TMEM260: variants seen among roughly 807,000 people sequenced by gnomAD.
TMEM260 encodes transmembrane protein 260, also known as protein O-mannosyl-transferase TMEM260.
A neutral mutation model predicts 88.9 loss-of-function variants in TMEM260; 82 were observed. The ratio of observed to expected loss-of-function variants is 0.92; its 90% CI spans 0.77 to 1.11. TMEM260 has a LOEUF of 1.11. TMEM260 is among the 50% of genes least tolerant of loss of function. The pLI, the probability that TMEM260 is intolerant of heterozygous loss-of-function variation, is 0.00. For missense variants in TMEM260, 902 were observed against 853.4 expected, an observed-to-expected ratio of 1.06 and a Z score of -0.71; for synonymous variants, 314 against 309.3, an observed-to-expected ratio of 1.02 and a Z score of -0.16.
chr14:56,657,909 T>G, the TMEM260 span, among the ~76,000 whole-genome samples: 8 of 152,226 alleles, frequency 5.3e-5, no homozygotes, highest in Non-Finnish European at 1.2e-4. Context: ...GGCTACCCTT[T>G]ATCCTTCTGC....
At chr14:56,639,214 A>G (rs1295779297) in intron 15 of TMEM260, among the ~76,000 whole-genome samples, 1 of 152,174 alleles carries the variant, frequency 6.6e-6, no homozygotes, top group East Asian at 1.9e-4. Context: ...AATGAACACA[A>G]TCTAGTATTT....
chr14:56,589,523 C>A (rs2139510146), intron 3 of TMEM260, among the ~76,000 whole-genome samples: 1 of 152,216 alleles, frequency 6.6e-6, no homozygotes, highest in South Asian at 2.1e-4. Flanking sequence ...AGGAAACTCA[C>A]ATAAAAATAC....
chr14:56,634,738 A>T (rs1165469962), intron 13 of TMEM260, among the ~76,000 whole-genome samples, 161 bp from the exon 14 acceptor site: 1 of 151,900 alleles, frequency 6.6e-6, no homozygotes, highest in African/African-American at 2.4e-5. Flanking sequence ...GCTACTTGGG[A>T]GGCGGGGGCA....
At chr14:56,643,359 G>T (rs1430912146) in intron 15 of TMEM260, among the ~76,000 whole-genome samples, 1 of 152,072 alleles carries the variant, frequency 6.6e-6, no homozygotes, top group Non-Finnish European at 1.5e-5. Context: ...TTCAACATAC[G>T]CAAATCAATC....
intron 14 of TMEM260, 30 bp downstream of exon 14, chr14:56,634,982 T>C: frequency 1.2e-6 from 2 of 1,602,710 alleles, no homozygotes; most frequent in African/African-American, 1.3e-5. Context: ...GTGTGTGCAG[T>C]CTATTTTTAA....
chr14:56,596,013 A>C lies in TMEM260; in HGVS notation c.345-7802A>C, dbSNP rs61258004. On this transcript the variant is annotated intron_variant, in intron 3 of 15. Transcript: ENST00000261556. ...GAAAAAAAATCAATGTAACAAGTTT[A>C]AAATGAATTCTTTAATTTTTCCCTT... Among the ~76,000 whole-genome samples, 1,307 of 152,294 alleles carry C rather than the reference A, an allele frequency of 8.6e-3. 27 individuals are homozygous for C. The highest frequency in any genetic ancestry group is 0.03 in the African/African-American group (1,262 of 41,564).
chr14:56,615,224 C>T (rs1330895340), intron 7 of TMEM260, among the ~76,000 whole-genome samples: 19 of 151,996 alleles, frequency 1.3e-4, no homozygotes, highest in African/African-American at 4.1e-4. Flanking sequence ...GTAAAATTGC[C>T]GGTAGGGAGA....
At chr14:56,654,674 T>C (rs1387196508), downstream of TMEM260, among the ~76,000 whole-genome samples, 1 of 151,632 alleles carries the variant, frequency 6.6e-6, no homozygotes, top group Non-Finnish European at 1.5e-5. Flanking sequence ...GTTAGCCAGG[T>C]GTTGTGGCAC....
intron 15 of TMEM260, among the ~76,000 whole-genome samples, chr14:56,644,413 C>G (rs985068287): frequency 1.3e-5 from 2 of 152,188 alleles, no homozygotes; most frequent in African/African-American, 4.8e-5. Flanking sequence ...AAAGGATTCC[C>G]TATTTAATAA....
chr14:56,659,390 G>A, the TMEM260 span, among the ~76,000 whole-genome samples: 1 of 151,886 alleles, frequency 6.6e-6, no homozygotes, highest in Non-Finnish European at 1.5e-5. Flanking sequence ...TATGACTTGG[G>A]TGCACCAATG....
At chr14:56,657,826 C>T in the TMEM260 span, among the ~76,000 whole-genome samples, 1 of 152,180 alleles carries the variant, frequency 6.6e-6, no homozygotes, top group Non-Finnish European at 1.5e-5. Context: ...GGTCATTAGA[C>T]CACACTTTTA....
chr14:56,636,520 GTTC>G lies in TMEM260; in HGVS notation c.1795_1797del (p.Phe599del). 6.2e-7 allele frequency: 1 copy of G among 1,613,800 alleles called. No individual in the cohort carries two copies. Among genetic ancestry groups the G allele is most frequent in the Non-Finnish European group, 8.5e-7 (1 of 1,179,870 alleles). ...TCCCCACCCCCAGGATGAAAACACCGTTCTTCATCTTTAACCTGGCAGAAACTG... is the reference window on the plus strand; with the variant it reads ...TCCCCACCCCCAGGATGAAAACACCGTTCATCTTTAACCTGGCAGAAACTG... On this transcript the variant is annotated inframe_deletion, in exon 15 of 16. Transcript: ENST00000261556.
rs1261420108 is a variant in TMEM260, at chr14:56,648,618, C to T, written c.*1121C>T. 1.3e-5 allele frequency: 2 copies of T among 152,624 alleles called. No homozygotes were observed. Among genetic ancestry groups the T allele is most frequent in the Non-Finnish European group, 2.9e-5 (2 of 68,072 alleles). The allele number at this position is 152,624 out of a possible 1,614,324, so 9.5% of individuals were successfully genotyped here. A position where few individuals can be genotyped will look rare whatever the true frequency, so the allele number is the denominator to read the frequency against. On this transcript the variant is annotated 3_prime_UTR_variant, in exon 16 of 16. Coordinates refer to ENST00000261556, the MANE Select transcript of TMEM260 (RefSeq NM_017799.4). ...TCATTCAGCAAGAAAAGGCCCCTTA[C>T]CAGGAATAGTCACAGTTCCGTGGCA...
chr14:56,621,582 T>C lies in TMEM260; in HGVS notation c.1278T>C (p.Leu426=). ...TGATTGATAAGTTCGCAAAGAACCT[T>C]CTCACCTCTATGCCTCATGATGCAA... ...NYVIDKFAKN[L]LTSMPHDAII... Residue 426 remains leucine, a synonymous_variant, in exon 11 of 16, where the codon CTT becomes CTC. Coordinates refer to ENST00000261556, the MANE Select transcript of TMEM260 (RefSeq NM_017799.4). 6.2e-7 allele frequency: 1 copy of C among 1,612,900 alleles called. No homozygotes were observed. The highest frequency in any genetic ancestry group is 8.5e-7 in the Non-Finnish European group (1 of 1,179,530).
intron 13 of TMEM260, 40 bp downstream of exon 13, chr14:56,633,211 C>A (rs1302531151): frequency 1.3e-6 from 2 of 1,511,800 alleles, no homozygotes; most frequent in African/African-American, 1.4e-5. Flanking sequence ...ATAAACATAG[C>A]AGTTTTGAAT....
At chr14:56,581,148 CTCTG>C (rs1404319660) in intron 1 of TMEM260, among the ~76,000 whole-genome samples, 3 of 152,186 alleles carry the variant, frequency 2.0e-5, no homozygotes, top group South Asian at 2.1e-4. Flanking sequence ...AAGGACACCT[CTCTG>C]TCTGACAGCT....
chr14:56,622,729 A>G (rs1888007769), intron 11 of TMEM260, among the ~76,000 whole-genome samples: 1 of 152,204 alleles, frequency 6.6e-6, no homozygotes, highest in South Asian at 2.1e-4. Context: ...TCTTAATCTT[A>G]AAAGAATAAT....
At chr14:56,644,499 T>C (rs560532669) in intron 15 of TMEM260, among the ~76,000 whole-genome samples, 4 of 152,062 alleles carry the variant, frequency 2.6e-5, no homozygotes, top group Admixed American at 1.3e-4. Flanking sequence ...ATACAAAAAT[T>C]AATTCAAGAT....
chr14:56,636,091 G>T (rs1177550892), intron 14 of TMEM260, among the ~76,000 whole-genome samples: 10 of 152,134 alleles, frequency 6.6e-5, no homozygotes, highest in African/African-American at 2.4e-4. Flanking sequence ...AATACAACTT[G>T]GATGAGTTCA....
Sources: gnomAD v4.1 joint callset for allele counts (sites outside exome capture counted in the v4.1 genomes callset) on GRCh38, gnomAD v4.1.1 for gene constraint, MANE v1.5 for transcripts, NCBI Gene and HGNC (gene_info 2026-07-23, HGNC 2026-07-21) for gene names.